The following ETV1 variants were observed in gnomAD, a reference collection of about 807,000 sequenced individuals.
ETV1 encodes the protein ETS variant transcription factor 1.
Under a neutral mutation model 62.3 loss-of-function variants are expected in ETV1, and 27 were observed. The observed-to-expected ratio is 0.43, with a 90% confidence interval of 0.32 to 0.60. ETV1 has a LOEUF of 0.60. Ranked by LOEUF, ETV1 falls within the 20% of genes least tolerant of loss-of-function variation. ETV1 has a pLI of 0.06. For missense variants in ETV1, 605 were observed against 605.8 expected (o/e 1.00, Z 0.01); for synonymous variants, 222 against 199.6 (o/e 1.11, Z -0.94).
intron 5 of ETV1, 135 bp downstream of exon 5, chr7:13,986,503 T>C (rs1782565756): frequency 3.3e-6 from 5 of 1,527,538 alleles, no homozygotes; most frequent in South Asian, 1.3e-5. Context: ...GAGGCTCTAA[T>C]GTATGCATGA....
rs1781425243 is a variant in ETV1 at position 13,892,097 on chromosome 7, T to C, written c.*3769A>G. 1.3e-5 allele frequency: 3 copies of C among 232,406 alleles called. No homozygotes were observed. The highest frequency in any genetic ancestry group is 2.6e-5 in the Non-Finnish European group (3 of 117,554). The allele number at this position is 232,406 out of a possible 1,614,324, so 14.4% of individuals were successfully genotyped here. On this transcript the variant is annotated 3_prime_UTR_variant, in exon 14 of 14. Coordinates refer to ENST00000430479, the MANE Select transcript of ETV1 (RefSeq NM_004956.5). ...ATTTTGCAATTGTTCTTTTGAGTAA[T>C]AGACATATTTTACACATTGTTCTTA...
intron 9 of ETV1, among the ~76,000 whole-genome samples, chr7:13,927,792 T>C (rs1371991567): frequency 6.6e-6 from 1 of 152,228 alleles, no homozygotes; most frequent in African/African-American, 2.4e-5. Context: ...GTTATGGGGT[T>C]ACTATATTTA....
chr7:13,982,708 C>T (rs1782116642), intron 5 of ETV1, among the ~76,000 whole-genome samples: 1 of 151,938 alleles, frequency 6.6e-6, no homozygotes, highest in Non-Finnish European at 1.5e-5. Context: ...ATTCTAAATT[C>T]ATGTTTTATG....
In ETV1 at chr7:13,989,085, T is replaced by A; in HGVS notation, c.-33A>T. The A allele has an allele frequency of 6.4e-7, 1 of 1,573,602 alleles. No homozygotes were observed. Among genetic ancestry groups the A allele is most frequent in the Non-Finnish European group, 8.7e-7 (1 of 1,154,880 alleles). On this transcript the variant is annotated 5_prime_UTR_variant, in exon 3 of 14. Transcript: ENST00000430479. ...CTCTTCGCAAATCTCAGCTCAGTATTTTATATTTTGAGCATTTAGCTGGAG... is the reference window on the plus strand; with the variant it reads ...CTCTTCGCAAATCTCAGCTCAGTATATTATATTTTGAGCATTTAGCTGGAG...
At chr7:13,989,749 G>C (rs1341700373), upstream of ETV1, 1 of 397,166 alleles carries the variant, frequency 2.5e-6, no homozygotes, top group African/African-American at 2.1e-5. Flanking sequence ...GCCTCCCATT[G>C]GCTCCGCGTC....
chr7:13,956,870 C>G (rs893570148), intron 6 of ETV1, among the ~76,000 whole-genome samples: 2 of 152,046 alleles, frequency 1.3e-5, no homozygotes, highest in African/African-American at 4.8e-5. Flanking sequence ...ATATCAGTTA[C>G]TAATTTCTGT....
At position 13,925,012 on chromosome 7, in the gene ETV1, G is replaced by A. The variant is rs765268873; in HGVS notation, c.802+6490C>T. ...GCCTTAAGAAACACAATTTAAAAAT[G>A]CAAAAACCGTTTCTTCGGCAAACAT... On this transcript the variant is annotated intron_variant, in intron 9 of 13. Coordinates refer to ENST00000430479, the MANE Select transcript of ETV1 (RefSeq NM_004956.5). Among the ~76,000 whole-genome samples the A allele has an allele frequency of 2.0e-5, 3 of 152,140 alleles. No individual in the cohort carries two copies. In the East Asian group the frequency reaches 5.8e-4, roughly 29 times the overall value.
intron 4 of ETV1, among the ~76,000 whole-genome samples, chr7:13,987,639 G>A (rs532709919): frequency 2.0e-5 from 3 of 152,218 alleles, no homozygotes; most frequent in African/African-American, 7.2e-5. Context: ...TCTGTTAATA[G>A]TAGATGGTTT....
At chr7:13,970,244 G>A (rs7788706) in intron 6 of ETV1, among the ~76,000 whole-genome samples, 109,786 of 147,798 alleles carry the variant, frequency 0.74, 41,241 homozygotes, top group African/African-American at 0.85. Flanking sequence ...CTGGGCGACA[G>A]AGCGAGACCC....
rs527257958 is a variant in ETV1, at chr7:13,935,794, A to C, written c.468T>G (p.Thr156=). The C allele has an allele frequency of 4.3e-5, 70 of 1,613,828 alleles. No individual in the cohort carries two copies. The highest frequency in any genetic ancestry group is 1.8e-4 in the Admixed American group (11 of 59,988). ...SPLHHASPNS[T]HTPKPDRAFP... is the part of the protein sequence containing the mutation. ...AGGCCCGGTCAGGTTTCGGTGTATG[A>C]GTTGAGTTTGGAGATGCATGATGCA... The change falls in exon 8 of 14, where the codon ACT becomes ACG. Residue 156 remains threonine, a synonymous_variant. Transcript: ENST00000430479.
chr7:13,973,395 T>C (rs1161173066), intron 6 of ETV1, among the ~76,000 whole-genome samples: 1 of 152,186 alleles, frequency 6.6e-6, no homozygotes, highest in Non-Finnish European at 1.5e-5. Context: ...CCACTAAGCA[T>C]ACCCAGACGC....
chr7:13,911,327 T>G lies in ETV1; in HGVS notation c.803-20A>C. 6.3e-7 allele frequency: 1 copy of G among 1,590,494 alleles called. No individual in the cohort carries two copies. Among genetic ancestry groups the G allele is most frequent in the Non-Finnish European group, 8.6e-7 (1 of 1,160,278 alleles). On this transcript the variant is annotated intron_variant, in intron 9 of 13. Coordinates refer to ENST00000430479, the MANE Select transcript of ETV1 (RefSeq NM_004956.5). ...GCACTTCTGAAAGAGGAAACAATATTGGTCAAAAAGAGTCTGGAGCTGAAA... is the reference window on the plus strand; with the variant it reads ...GCACTTCTGAAAGAGGAAACAATATGGGTCAAAAAGAGTCTGGAGCTGAAA...
chr7:13,899,328 T>C lies in ETV1; in HGVS notation c.1212+1410A>G, dbSNP rs541664242. ...AGGAGGAGCAGGTAGTAAACTGTTA[T>C]ACATTTTGAAGGCATGATTGAGAAA... On this transcript the variant is annotated intron_variant, in intron 13 of 13. Transcript: ENST00000430479. Among the ~76,000 whole-genome samples the C allele has an allele frequency of 1.1e-3, 172 of 152,344 alleles. 1 individual carries two copies. The highest frequency in any genetic ancestry group is 3.9e-3 in the African/African-American group (164 of 41,582).
chr7:13,987,383 G>A (rs1339380219), intron 4 of ETV1, among the ~76,000 whole-genome samples: 1 of 152,038 alleles, frequency 6.6e-6, no homozygotes, highest in African/African-American at 2.4e-5. Context: ...AATTAAAATT[G>A]CCAACTAAAC....
intron 4 of ETV1, among the ~76,000 whole-genome samples, chr7:13,987,463 A>C (rs368771344): frequency 6.6e-6 from 1 of 152,200 alleles, no homozygotes; most frequent in South Asian, 2.1e-4. Flanking sequence ...AATTTGTAAC[A>C]TACTGACATC....
intron 6 of ETV1, chr7:13,975,005 C>T (rs756796326): frequency 6.6e-6 from 1 of 152,456 alleles, no homozygotes; most frequent in Non-Finnish European, 1.5e-5. Flanking sequence ...AAGAACCAGG[C>T]TGGAGACAAC....
rs553920478 is a variant in ETV1, at chr7:13,954,163, A to T, written c.236-14917T>A. ...ATTACTCACTAACAACAAGTAGTCC[A>T]ATAAATGTATTAACATGAAATAAAA... is the stretch of plus-strand genomic sequence containing the variant. On this transcript the variant is annotated intron_variant, in intron 6 of 13. Coordinates refer to ENST00000430479, the MANE Select transcript of ETV1 (RefSeq NM_004956.5). Among the ~76,000 whole-genome samples, 943 of 152,330 alleles carry T rather than the reference A, an allele frequency of 6.2e-3. 8 individuals carry two copies. Among genetic ancestry groups the T allele is most frequent in the African/African-American group, 0.022 (899 of 41,568 alleles).
upstream of ETV1, chr7:13,990,666 G>A (rs1346245355): frequency 1.3e-5 from 2 of 152,272 alleles, no homozygotes; most frequent in Non-Finnish European, 2.9e-5. Flanking sequence ...GTTAAGCAGT[G>A]AGGGCTGCAT....
intron 9 of ETV1, among the ~76,000 whole-genome samples, chr7:13,921,832 G>A (rs1379555476): frequency 1.3e-5 from 2 of 152,158 alleles, no homozygotes; most frequent in Non-Finnish European, 2.9e-5. Flanking sequence ...AATCACCAAA[G>A]AGTGAACGTA....
Sources: gnomAD v4.1 joint callset for allele counts (sites outside exome capture counted in the v4.1 genomes callset) on GRCh38, gnomAD v4.1.1 for gene constraint, MANE v1.5 for transcripts, NCBI Gene and HGNC (gene_info 2026-07-23, HGNC 2026-07-21) for gene names.